Variants in EPG5 observed in about 807,000 individuals in gnomAD.
EPG5 encodes the protein ectopic P granules protein 5 homolog.
EPG5 carries 159 observed loss-of-function variants against 302.7 expected under a neutral mutation model. The ratio of observed to expected loss-of-function variants is 0.53; its 90% CI spans 0.46 to 0.60. The LOEUF (loss-of-function observed/expected upper bound fraction) is 0.60. Among genes scored for constraint, EPG5 ranks in the 20% least tolerant of loss-of-function variants. EPG5 has a pLI of 0.00. For synonymous variants in EPG5, 1,158 were observed against 1,136.8 expected (o/e 1.02, Z -0.37); for missense variants, 2,896 against 3,092.4 (o/e 0.94, Z 1.51).
intron 38 of EPG5, among the ~76,000 whole-genome samples, chr18:45,866,245 G>A (rs1159115999): frequency 1.3e-5 from 2 of 151,150 alleles, no homozygotes; most frequent in African/African-American, 2.4e-5. Context: ...TCAGTCTCCC[G>A]AGTAGCTGGG....
chr18:45,812,589 G>T, the EPG5 span, among the ~76,000 whole-genome samples: 1 of 152,096 alleles, frequency 6.6e-6, no homozygotes, highest in Non-Finnish European at 1.5e-5. Flanking sequence ...CAATGGAACA[G>T]AACAGGGCCC....
chr18:45,923,454 C>A, intron 14 of EPG5, 67 bp from the exon 15 acceptor site: 1 of 1,528,392 alleles, frequency 6.5e-7, no homozygotes, highest in Non-Finnish European at 8.9e-7. Flanking sequence ...ACCTTTGAAT[C>A]AAAACATTAG....
At chr18:45,901,314 T>G in intron 25 of EPG5, 147 bp from the exon 26 acceptor site, 1 of 700,752 alleles carries the variant, frequency 1.4e-6, no homozygotes, top group Non-Finnish European at 2.3e-6. Context: ...GATCTTAAAT[T>G]ATTACCCTAG....
intron 7 of EPG5, among the ~76,000 whole-genome samples, chr18:45,944,893 T>C (rs2050753238): frequency 6.6e-6 from 1 of 152,230 alleles, no homozygotes; most frequent in South Asian, 2.1e-4. Flanking sequence ...AAAGTTCTGT[T>C]GTCAATTACT....
intron 15 of EPG5, among the ~76,000 whole-genome samples, chr18:45,922,865 C>T (rs1267466429): frequency 6.6e-6 from 1 of 152,106 alleles, no homozygotes; most frequent in Admixed American, 6.6e-5. Context: ...AATAGTGTGC[C>T]GATAAATAAG....
At chr18:45,836,747 A>G in the EPG5 span, among the ~76,000 whole-genome samples, 1 of 152,236 alleles carries the variant, frequency 6.6e-6, no homozygotes, top group African/African-American at 2.4e-5. Context: ...TCACTTGGGT[A>G]TACCTGAATT....
intron 30 of EPG5, among the ~76,000 whole-genome samples, chr18:45,883,461 C>CT (rs61461493): frequency 0.018 from 2,339 of 132,506 alleles, 73 homozygotes; most frequent in African/African-American, 0.036. Flanking sequence ...TCAAGGTTGT[C>CT]TTTTTTTTTT....
In EPG5 at chr18:45,951,109, T is replaced by C. The variant is rs1427338254; in HGVS notation, c.1382A>G (p.Gln461Arg). ...QFHDDILLWL[Q>R]KLVSVLQRVG... is the part of the protein sequence containing the mutation. The stretch of plus-strand genomic sequence containing the variant: ...CTATCTCTGTCCCCTTACCAATTTC[T>C]GCAGCCAGAGAAGAATATCATCATG... Residue 461 changes from glutamine to arginine, a missense_variant, in exon 4 of 44, where the codon CAG becomes CGG. Transcript: ENST00000282041. 6.4e-7 allele frequency: 1 copy of C among 1,570,828 alleles called. No homozygotes were observed. Among genetic ancestry groups the C allele is most frequent in the Non-Finnish European group, 8.6e-7 (1 of 1,161,768 alleles).
chr18:45,952,586 T>A lies in EPG5; in HGVS notation c.1066A>T (p.Met356Leu). The A allele has an allele frequency of 1.9e-6, 3 of 1,614,190 alleles. No homozygotes were observed. Among genetic ancestry groups the A allele is most frequent in the Non-Finnish European group, 2.5e-6 (3 of 1,180,024 alleles). The stretch of plus-strand genomic sequence containing the variant: ...AGCTCCACCAGTGCATTTTCATTCA[T>A]TTCTACTCTTTGGTAGCGATGATAG... ...FSYHRYQRVE[M>L]NENALVELKK... Residue 356 changes from methionine (M) to leucine (L), a missense_variant, in exon 3 of 44, where the codon ATG (methionine) becomes TTG (leucine). Met to Leu is a conservative substitution (Grantham distance 15). This residue lies in a region of EPG5 where 1,390 missense variants were observed against 1,430.0 expected (regional missense o/e 0.97). Coordinates refer to ENST00000282041, the MANE Select transcript of EPG5 (RefSeq NM_020964.3).
intron 1 of EPG5, among the ~76,000 whole-genome samples, chr18:45,957,326 C>G (rs769516831): frequency 1.3e-5 from 2 of 152,170 alleles, no homozygotes; most frequent in Non-Finnish European, 2.9e-5. Context: ...CCACTGTGAA[C>G]TGTGGACATC....
intron 26 of EPG5, among the ~76,000 whole-genome samples, chr18:45,899,852 C>A (rs540169373): frequency 6.6e-6 from 1 of 152,202 alleles, no homozygotes; most frequent in Non-Finnish European, 1.5e-5. Context: ...ACAGACCCTA[C>A]AAGAACAACT....
chr18:45,868,339 C>CAT (rs1555662794), intron 36 of EPG5, among the ~76,000 whole-genome samples: 1 of 138,166 alleles, frequency 7.2e-6, no homozygotes, highest in African/African-American at 2.7e-5. Flanking sequence ...TTCCTTTTTC[C>CAT]TTTTTTTTTT....
chr18:45,918,121 T>G (rs1004161998), intron 16 of EPG5, among the ~76,000 whole-genome samples: 1 of 152,194 alleles, frequency 6.6e-6, no homozygotes, highest in African/African-American at 2.4e-5. Context: ...TCCAGAGTGC[T>G]CTCTACTACC....
intron 4 of EPG5, among the ~76,000 whole-genome samples, chr18:45,950,753 T>C (rs1420059018): frequency 6.6e-6 from 1 of 152,224 alleles, no homozygotes; most frequent in Admixed American, 6.5e-5. Flanking sequence ...AAGTTTGGAA[T>C]TTTGGATCAT....
chr18:45,902,141 A>G (rs2049634329), intron 25 of EPG5, among the ~76,000 whole-genome samples: 1 of 152,258 alleles, frequency 6.6e-6, no homozygotes, highest in Non-Finnish European at 1.5e-5. Context: ...CAGATGTAAC[A>G]TTCCATTTTC....
the EPG5 span, chr18:45,842,230 A>G: frequency 4.0e-5 from 65 of 1,606,238 alleles, no homozygotes; most frequent in Non-Finnish European, 1.0e-5. Flanking sequence ...ACTGTAAAGA[A>G]CAAAGGCCAG....
chr18:45,849,372 A>G lies in EPG5; in HGVS notation c.*3095T>C, dbSNP rs1660561. The G allele has an allele frequency of 0.29, 44,720 of 152,238 alleles. 9,101 individuals are homozygous for G. Among genetic ancestry groups the G allele is most frequent in the African/African-American group, 0.55 (22,813 of 41,474 alleles). The allele number at this position is 152,238 out of a possible 1,614,324, so 9.4% of individuals were successfully genotyped here. ...GGACCACCAGGCACTGGACAGGGGC[A>G]GAGGAGAGGCAGGAGGATCCCTGCA... On this transcript the variant is annotated 3_prime_UTR_variant, in exon 44 of 44. Transcript: ENST00000282041.
Position 45,930,777 on chromosome 18 carries a change from C to T in EPG5, c.2311G>A (p.Glu771Lys). ...EKCLSSMNSS[E>K]EICLLTTFAQ... is the part of the protein sequence containing the mutation. ...AAGGTAGTCAGAAGGCAAATCTCTTCTGAGCTATTCATAGAAGAAAGACAC... is the reference window on the plus strand; with the variant it reads ...AAGGTAGTCAGAAGGCAAATCTCTTTTGAGCTATTCATAGAAGAAAGACAC... The change falls in exon 12 of 44, where the codon GAA (glutamate) becomes AAA (lysine). Residue 771 changes from glutamate (E) to lysine (K), a missense_variant. By Grantham distance (56) the Glu-to-Lys change is moderately conservative. This residue lies in a region of EPG5 where 1,390 missense variants were observed against 1,430.0 expected (regional missense o/e 0.97). Transcript: ENST00000282041. 6.2e-7 allele frequency: 1 copy of T among 1,610,506 alleles called. No homozygotes were observed. The highest frequency in any genetic ancestry group is 8.5e-7 in the Non-Finnish European group (1 of 1,178,950).
the EPG5 span, among the ~76,000 whole-genome samples, chr18:45,825,176 A>AAGAGAGGGAGGG: frequency 2.0e-5 from 2 of 101,044 alleles, no homozygotes; most frequent in African/African-American, 7.2e-5. Context: ...GGGAGGGAGG[A>AAGAGAGGGAGGG]AGAGAGGGAG....
Sources: gnomAD v4.1 joint callset for allele counts (sites outside exome capture counted in the v4.1 genomes callset) on GRCh38, gnomAD v4.1.1 for gene constraint, gnomAD v4.1.1 regional missense constraint, MANE v1.5 for transcripts, NCBI Gene and HGNC (gene_info 2026-07-23, HGNC 2026-07-21) for gene names.